The following PFKM variants were observed in gnomAD, a reference collection of about 807,000 sequenced individuals.
PFKM encodes ATP-dependent 6-phosphofructokinase, muscle type.
A neutral mutation model predicts 95.5 loss-of-function variants in PFKM; 58 were observed. The observed-to-expected ratio is 0.61, with a 90% CI of 0.49 to 0.76. PFKM has a LOEUF of 0.76. Ranked by LOEUF, PFKM falls within the 30% of genes least tolerant of loss-of-function variation. PFKM has a pLI of 0.00. For synonymous variants in PFKM, 336 were observed against 357.2 expected (o/e 0.94, Z 0.67); for missense variants, 678 against 1,005.4 (o/e 0.67, Z 4.40).
chr12:48,117,479 C>T (rs1167318721), upstream of PFKM, among the ~76,000 whole-genome samples: 3 of 152,236 alleles, frequency 2.0e-5, no homozygotes, highest in African/African-American at 7.2e-5. Context: ...AGTGGTTCCA[C>T]ATTCTCATTA....
chr12:48,137,157 G>A (rs926041213), intron 10 of PFKM, among the ~76,000 whole-genome samples: 1 of 151,438 alleles, frequency 6.6e-6, no homozygotes, highest in Admixed American at 6.6e-5. Flanking sequence ...CATCTCCTGG[G>A]TTCAAGGGAT....
chr12:48,128,199 C>G (rs955811981), intron 2 of PFKM, among the ~76,000 whole-genome samples: 1 of 152,084 alleles, frequency 6.6e-6, no homozygotes, highest in African/African-American at 2.4e-5. Flanking sequence ...TCTGTATAAC[C>G]TTCTCTGACT....
At position 48,145,917 on chromosome 12, in the gene PFKM, C is replaced by A; in HGVS notation, c.*209C>A. On this transcript the variant is annotated 3_prime_UTR_variant, in exon 23 of 23. Transcript: ENST00000359794. The surrounding 1 kb of genome is among the most constrained non-coding windows in gnomAD (Gnocchi z 4.3). ...GTAGAATTTAACATGACTTCTGCCC[C>A]AGCTTTATCTGTCACACAAGGCTGG... 1.7e-6 allele frequency: 1 copy of A among 587,234 alleles called. No homozygotes were observed. Among genetic ancestry groups the A allele is most frequent in the Non-Finnish European group, 3.0e-6 (1 of 329,256 alleles). 36.4% of individuals were successfully genotyped at this position (587,234 alleles called of 1,614,324 possible). A position where few individuals can be genotyped will look rare whatever the true frequency, so the allele number is the denominator to read the frequency against.
intron 7 of PFKM, 118 bp from the exon 8 acceptor site, chr12:48,134,602 TA>T: frequency 1.2e-6 from 1 of 825,390 alleles, no homozygotes; most frequent in East Asian, 2.6e-5. Context: ...GCCCCACGAA[TA>T]AAATGGAGGC....
At chr12:48,105,722 G>A (rs1423915738), upstream of PFKM, 4 of 506,464 alleles carry the variant, frequency 7.9e-6, no homozygotes, top group East Asian at 1.1e-4. Context: ...CCCCAAGTAC[G>A]GCTGGGCGCT....
At chr12:48,108,286 C>G in intron 3 of PFKM, 1 of 1,158,992 alleles carries the variant, frequency 8.6e-7, no homozygotes. Flanking sequence ...CGTAGACCTA[C>G]TAAAGCTGAA....
chr12:48,109,859 A>C (rs1947031395), intron 3 of PFKM, among the ~76,000 whole-genome samples: 1 of 149,888 alleles, frequency 6.7e-6, no homozygotes, highest in Non-Finnish European at 1.5e-5. Flanking sequence ...CTTCCCTCCT[A>C]CTCTTCCTCC....
rs1221372299 is a variant in PFKM at position 48,122,009 on chromosome 12, G to A, written c.-8-758G>A. 3.9e-5 allele frequency among the ~76,000 whole-genome samples: 6 copies of A among 152,226 alleles called. No homozygotes were observed. In the East Asian group the frequency reaches 9.6e-4, roughly 24 times the overall value. On this transcript the variant is annotated intron_variant, in intron 1 of 22. Coordinates refer to ENST00000359794, the MANE Select transcript of PFKM (RefSeq NM_000289.6). The stretch of plus-strand genomic sequence containing the variant: ...ATATGAAGGTGTTCCCATGTCGTAT[G>A]TACACATCTGTGTATATACGGCAGT...
chr12:48,142,678 A>T, intron 17 of PFKM, 104 bp from the exon 18 acceptor site: 1 of 1,127,750 alleles, frequency 8.9e-7, no homozygotes, highest in Non-Finnish European at 1.4e-6. Context: ...CTGCTAGCCT[A>T]TGGAGAATAT....
At chr12:48,121,520 G>T (rs551468712) in intron 1 of PFKM, among the ~76,000 whole-genome samples, 1 of 152,212 alleles carries the variant, frequency 6.6e-6, no homozygotes, top group East Asian at 1.9e-4. Flanking sequence ...TGTGGATTTG[G>T]GTGTTTATGT....
At position 48,135,396 on chromosome 12, in the gene PFKM, G is replaced by T; in HGVS notation, c.936+13G>T. ...TGACAGAATTCTGGTAAGTCACTGG[G>T]CTGTGTGGCCCTCATGCCTTGAAAC... On this transcript the variant is annotated intron_variant, in intron 10 of 22. Transcript: ENST00000359794. 1 of 1,592,170 alleles carries T rather than the reference G, an allele frequency of 6.3e-7. No individual in the cohort carries two copies. The highest frequency in any genetic ancestry group is 8.6e-7 in the Non-Finnish European group (1 of 1,160,076).
chr12:48,109,138 C>A (rs926572147), intron 3 of PFKM, among the ~76,000 whole-genome samples: 2 of 152,128 alleles, frequency 1.3e-5, no homozygotes, highest in Non-Finnish European at 2.9e-5. Flanking sequence ...TAATATGGAA[C>A]AATGTGTAAG....
At chr12:48,105,830 C>A (rs1232176966), upstream of PFKM, 3 of 595,926 alleles carry the variant, frequency 5.0e-6, no homozygotes, top group African/African-American at 1.9e-5. Flanking sequence ...CGGCCACCGG[C>A]GGCCACAGCG....
intron 17 of PFKM, chr12:48,142,472 C>T: frequency 2.2e-6 from 1 of 447,912 alleles, no homozygotes; most frequent in Non-Finnish European, 4.1e-6. Flanking sequence ...TCAGTTTCCT[C>T]ACCTAGAAAT....
upstream of PFKM, chr12:48,118,644 C>T: frequency 1.1e-6 from 1 of 872,912 alleles, no homozygotes; most frequent in Non-Finnish European, 1.8e-6. Context: ...AGAGTGGATC[C>T]TGTTTGCTGT....
At chr12:48,133,173 C>T in intron 5 of PFKM, 116 bp downstream of exon 5, 11 of 1,281,402 alleles carry the variant, frequency 8.6e-6, no homozygotes, top group East Asian at 2.3e-5. Context: ...GTTACCCAGA[C>T]ACAAATAGGC....
intron 7 of PFKM, among the ~76,000 whole-genome samples, 191 bp downstream of exon 7, chr12:48,134,467 G>C (rs1210144302): frequency 6.6e-6 from 1 of 152,224 alleles, no homozygotes; most frequent in Non-Finnish European, 1.5e-5. Flanking sequence ...ACGTGCTCAG[G>C]CACGTGCTTG....
rs779767827 is a variant in PFKM, at chr12:48,132,993, C to T, written c.363C>T (p.Ser121=). 1 of 1,614,152 alleles carries T rather than the reference C, an allele frequency of 6.2e-7. No homozygotes were observed. The highest frequency in any genetic ancestry group is 8.5e-7 in the Non-Finnish European group (1 of 1,180,014). ...TCTGTGTCATTGGGGGTGATGGCAG[C>T]CTCACTGGGGCTGACACCTTCCGTT... ...TNLCVIGGDG[S]LTGADTFRSE... The change falls in exon 5 of 23, where the codon AGC becomes AGT. Residue 121 remains serine, a synonymous_variant. Transcript: ENST00000359794.
At chr12:48,144,371 C>G (rs1950843930) in intron 20 of PFKM, among the ~76,000 whole-genome samples, 1 of 152,146 alleles carries the variant, frequency 6.6e-6, no homozygotes, top group Admixed American at 6.5e-5. Flanking sequence ...ATGGTCTATC[C>G]TTTTCAAAAG....
Sources: gnomAD v4.1 joint callset for allele counts (sites outside exome capture counted in the v4.1 genomes callset) on GRCh38, gnomAD v4.1.1 for gene constraint, Gnocchi (gnomAD v3.1) non-coding constraint, MANE v1.5 for transcripts, NCBI Gene and HGNC (gene_info 2026-07-23, HGNC 2026-07-21) for gene names.